The following MYO1D variants were observed in gnomAD, a reference collection of about 807,000 sequenced individuals.
MYO1D encodes myosin ID, also known as unconventional myosin-Id.
Under a neutral mutation model 122.0 loss-of-function variants are expected in MYO1D, and 83 were observed. That is an observed-to-expected ratio of 0.68 (90% CI 0.57 to 0.82). The LOEUF (loss-of-function observed/expected upper bound fraction) is 0.82. Ranked by LOEUF, MYO1D falls within the 40% of genes least tolerant of loss-of-function variation. The pLI, the probability that MYO1D is intolerant of heterozygous loss-of-function variation, is 0.00. For missense variants in MYO1D, 1,157 were observed against 1,269.5 expected (o/e 0.91, Z 1.35); for synonymous variants, 464 against 446.9 (o/e 1.04, Z -0.48).
At chr17:32,756,966 C>G (rs2089953113) in intron 10 of MYO1D, among the ~76,000 whole-genome samples, 1 of 152,160 alleles carries the variant, frequency 6.6e-6, no homozygotes, top group Admixed American at 6.6e-5. Flanking sequence ...AGGCAAGCTG[C>G]ACATCTCAAA....
At position 32,694,671 on chromosome 17, in the gene MYO1D, G is replaced by A. The variant is rs374720686; in HGVS notation, c.2121+17317C>T. On this transcript the variant is annotated intron_variant, in intron 16 of 21. Transcript: ENST00000318217. The stretch of plus-strand genomic sequence containing the variant: ...AGCCGAGATTGCGCCACTGCAGTCC[G>A]CAGTCCGGCCTGGGCGACAGAGCGA... Among the ~76,000 whole-genome samples the A allele has an allele frequency of 3.2e-3, 405 of 125,678 alleles. 2 individuals are homozygous for A. Among genetic ancestry groups the A allele is most frequent in the African/African-American group, 0.012 (391 of 32,444 alleles). The allele number at this position is 125,678 out of a possible 152,430, so 82.4% of individuals were successfully genotyped here.
rs569422869 is a variant in MYO1D at position 32,807,000 on chromosome 17, TA to T, written c.96-26217del. Among the ~76,000 whole-genome samples the T allele has an allele frequency of 3.2e-4, 48 of 152,348 alleles. 1 individual carries two copies. Among genetic ancestry groups the T allele is most frequent in the Middle Eastern group, 6.8e-3 (2 of 294 alleles). ...GTGAATTTGGCAATTCTCTTTGGTCTATACATATTATATACACACATAAATA... is the reference window on the plus strand; with the variant it reads ...GTGAATTTGGCAATTCTCTTTGGTCTTACATATTATATACACACATAAATA... On this transcript the variant is annotated intron_variant, in intron 1 of 21. Coordinates refer to ENST00000318217, the MANE Select transcript of MYO1D (RefSeq NM_015194.3).
chr17:32,760,806 T>A (rs1323306223), intron 8 of MYO1D, among the ~76,000 whole-genome samples, 179 bp from the exon 9 acceptor site: 2 of 152,212 alleles, frequency 1.3e-5, no homozygotes. Flanking sequence ...CTACCTGATG[T>A]ATGCAAAACT....
intron 21 of MYO1D, among the ~76,000 whole-genome samples, chr17:32,567,210 C>T (rs2087182188): frequency 6.6e-6 from 1 of 152,132 alleles, no homozygotes; most frequent in African/African-American, 2.4e-5. Flanking sequence ...TCTAAGCATC[C>T]TGAGGACAGG....
At chr17:32,532,584 G>A (rs888382431) in intron 21 of MYO1D, among the ~76,000 whole-genome samples, 5 of 151,988 alleles carry the variant, frequency 3.3e-5, no homozygotes, top group Non-Finnish European at 5.9e-5. Flanking sequence ...AAAATTAGCC[G>A]GGCGTGGTGG....
chr17:32,751,839 T>C (rs2089902419), intron 11 of MYO1D, among the ~76,000 whole-genome samples: 1 of 152,158 alleles, frequency 6.6e-6, no homozygotes. Context: ...GTCATTAAAA[T>C]GCCCATACTG....
chr17:32,749,088 T>A (rs2089871547), intron 11 of MYO1D, 82 bp from the exon 12 acceptor site: 1 of 1,227,422 alleles, frequency 8.1e-7, no homozygotes, highest in Non-Finnish European at 1.2e-6. Flanking sequence ...TATGAAATGA[T>A]GATAATATCA....
chr17:32,864,231 C>T (rs2091104845), intron 1 of MYO1D, among the ~76,000 whole-genome samples: 1 of 151,856 alleles, frequency 6.6e-6, no homozygotes, highest in Non-Finnish European at 1.5e-5. Flanking sequence ...TCCACCTCTA[C>T]CTGTAATCCA....
intron 21 of MYO1D, among the ~76,000 whole-genome samples, chr17:32,500,413 G>T (rs1488037821): frequency 6.6e-6 from 1 of 152,202 alleles, no homozygotes; most frequent in Non-Finnish European, 1.5e-5. Flanking sequence ...GACCTGGGAA[G>T]GAGGTCTGCT....
chr17:32,673,502 A>C (rs779569467), intron 16 of MYO1D, among the ~76,000 whole-genome samples: 127 of 152,232 alleles, frequency 8.3e-4, no homozygotes, highest in Non-Finnish European at 1.5e-3. Context: ...AATAAAATAA[A>C]ATAGGAATTG....
intron 21 of MYO1D, among the ~76,000 whole-genome samples, chr17:32,551,876 C>A: frequency 6.6e-6 from 1 of 152,118 alleles, no homozygotes; most frequent in East Asian, 1.9e-4. Context: ...TATTTTCAGT[C>A]TCTCCTCCAG....
intron 20 of MYO1D, among the ~76,000 whole-genome samples, chr17:32,610,325 C>T (rs764419392): frequency 1.3e-5 from 2 of 152,130 alleles, no homozygotes; most frequent in Admixed American, 6.5e-5. Context: ...TTCATGTGTA[C>T]GCCCAGGCCT....
chr17:32,661,355 T>A (rs1477907444), intron 16 of MYO1D, among the ~76,000 whole-genome samples: 2 of 152,200 alleles, frequency 1.3e-5, no homozygotes, highest in African/African-American at 4.8e-5. Context: ...TTTACTGTCA[T>A]ATTTATAGAT....
At chr17:32,822,694 C>G (rs1282164848) in intron 1 of MYO1D, among the ~76,000 whole-genome samples, 1 of 150,040 alleles carries the variant, frequency 6.7e-6, no homozygotes, top group Non-Finnish European at 1.5e-5. Flanking sequence ...CTCGCGCGTC[C>G]CTCCTCCTCT....
At chr17:32,713,577 A>G (rs761195679) in intron 15 of MYO1D, among the ~76,000 whole-genome samples, 5 of 152,180 alleles carry the variant, frequency 3.3e-5, no homozygotes, top group Non-Finnish European at 1.5e-5. Context: ...TGAATAAACA[A>G]TTTTTAAAGA....
intron 16 of MYO1D, among the ~76,000 whole-genome samples, chr17:32,678,020 T>C (rs2088847899): frequency 6.6e-6 from 1 of 152,190 alleles, no homozygotes; most frequent in Non-Finnish European, 1.5e-5. Context: ...CTTGAAGAAA[T>C]GGATGTGTAA....
chr17:32,659,510 T>A (rs1377074241), intron 16 of MYO1D, 172 bp from the exon 17 acceptor site: 3 of 624,516 alleles, frequency 4.8e-6, no homozygotes, highest in South Asian at 3.8e-5. Context: ...ACAGATGGCG[T>A]GGGGAGTCAC....
chr17:32,552,424 C>T (rs1437166731), intron 21 of MYO1D, among the ~76,000 whole-genome samples: 1 of 109,836 alleles, frequency 9.1e-6, no homozygotes, highest in Admixed American at 9.4e-5. Context: ...ATCCACCCAT[C>T]CATCCATCCA....
At chr17:32,514,130 T>C (rs1200390141) in intron 21 of MYO1D, among the ~76,000 whole-genome samples, 2 of 151,052 alleles carry the variant, frequency 1.3e-5, no homozygotes, top group Non-Finnish European at 2.9e-5. Context: ...TAATCCTAGT[T>C]ACTCGGGAGG....
Sources: allele counts gnomAD v4.1 joint callset (sites outside exome capture counted in the v4.1 genomes callset), GRCh38; gene constraint gnomAD v4.1.1; transcripts MANE v1.5; gene names NCBI Gene and HGNC (gene_info 2026-07-23, HGNC 2026-07-21).